Variants in CCDC178 observed in about 807,000 individuals in gnomAD.
The protein encoded by CCDC178 is coiled-coil domain containing 178, also known as coiled-coil domain-containing protein 178.
CCDC178 carries 126 observed loss-of-function variants against 117.4 expected under a neutral mutation model. That is an observed-to-expected ratio of 1.07 (90% CI 0.93 to 1.24). The LOEUF is 1.24. Ranked by LOEUF, CCDC178 falls within the 50% of genes most tolerant of loss-of-function variation. The probability of loss-of-function intolerance (pLI) is 0.00; values close to 1 mark genes in which losing one functional copy is unlikely to be tolerated. For missense variants in CCDC178, 1,030 were observed against 986.9 expected, an observed-to-expected ratio of 1.04 and a Z score of -0.59; for synonymous variants, 283 against 313.4, an observed-to-expected ratio of 0.90 and a Z score of 1.02.
chr18:33,187,082 G>A (rs2058803275), intron 20 of CCDC178, among the ~76,000 whole-genome samples: 1 of 107,656 alleles, frequency 9.3e-6, no homozygotes, highest in African/African-American at 4.0e-5. Flanking sequence ...CTTACATGGC[G>A]GCAGGAGAGA....
chr18:33,181,573 G>A (rs114921541), intron 20 of CCDC178, among the ~76,000 whole-genome samples: 55 of 151,986 alleles, frequency 3.6e-4, no homozygotes, highest in African/African-American at 1.1e-3. Context: ...AAAGTTGAGC[G>A]TTGAATTTAA....
chr18:33,410,192 A>G (rs1385156872), intron 3 of CCDC178, among the ~76,000 whole-genome samples: 4 of 152,202 alleles, frequency 2.6e-5, no homozygotes, highest in Non-Finnish European at 5.9e-5. Context: ...AGCTCTCTGA[A>G]GTCTTGGAAC....
intron 15 of CCDC178, among the ~76,000 whole-genome samples, chr18:33,236,097 A>G (rs1041847989): frequency 6.6e-6 from 1 of 152,200 alleles, no homozygotes; most frequent in Non-Finnish European, 1.5e-5. Context: ...AACATAATTC[A>G]TAAATTCTAC....
intron 20 of CCDC178, among the ~76,000 whole-genome samples, chr18:33,206,822 T>C (rs1284355686): frequency 1.3e-5 from 2 of 152,216 alleles, no homozygotes; most frequent in Non-Finnish European, 2.9e-5. Flanking sequence ...ATAGCAAAGG[T>C]AATGTCTTCC....
chr18:33,213,996 TA>T (rs1442692332), intron 19 of CCDC178, among the ~76,000 whole-genome samples: 7 of 152,174 alleles, frequency 4.6e-5, no homozygotes, highest in African/African-American at 1.7e-4. Context: ...TGTGGGAACT[TA>T]TTGAAAATAT....
chr18:33,123,831 C>G (rs1366799285), intron 20 of CCDC178, among the ~76,000 whole-genome samples: 1 of 152,056 alleles, frequency 6.6e-6, no homozygotes, highest in South Asian at 2.1e-4. Flanking sequence ...AATGGAAATC[C>G]AACACCAGTT....
intron 18 of CCDC178, among the ~76,000 whole-genome samples, chr18:33,219,100 C>T (rs2059201592): frequency 1.3e-5 from 2 of 152,050 alleles, no homozygotes; most frequent in South Asian, 4.1e-4. Flanking sequence ...AATGTTCTTC[C>T]ATTTATTGTG....
At chr18:33,106,976 G>T (rs960593128) in intron 20 of CCDC178, among the ~76,000 whole-genome samples, 7 of 151,644 alleles carry the variant, frequency 4.6e-5, no homozygotes, top group African/African-American at 1.7e-4. Flanking sequence ...ACGAACAATT[G>T]CAAGAAATTG....
chr18:33,430,664 C>G (rs922375025), intron 2 of CCDC178, among the ~76,000 whole-genome samples: 1 of 152,218 alleles, frequency 6.6e-6, no homozygotes, highest in Non-Finnish European at 1.5e-5. Context: ...AACCACATCA[C>G]TAACATCATC....
At chr18:33,009,016 T>C (rs985407819) in intron 21 of CCDC178, among the ~76,000 whole-genome samples, 11 of 152,058 alleles carry the variant, frequency 7.2e-5, no homozygotes, top group Non-Finnish European at 1.2e-4. Flanking sequence ...ACCAACTTCA[T>C]TTTAGTTGTG....
In CCDC178 at chr18:33,109,491, G is replaced by A. The variant is rs549790734; in HGVS notation, c.2239-16581C>T. Among the ~76,000 whole-genome samples, 11 of 151,502 alleles carry A rather than the reference G, an allele frequency of 7.3e-5. No individual in the cohort carries two copies. In the East Asian group the frequency reaches 1.2e-3, roughly 16 times the overall value. Reference sequence around the variant, plus strand: ...TCATTAAAGTCTATATTAATCCCTCGATCTTTTAAAAACTTTATTCTTAAG... The same window carrying A: ...TCATTAAAGTCTATATTAATCCCTCAATCTTTTAAAAACTTTATTCTTAAG... On this transcript the variant is annotated intron_variant, in intron 20 of 22. Coordinates refer to ENST00000383096, the MANE Select transcript of CCDC178 (RefSeq NM_001105528.4).
intron 21 of CCDC178, among the ~76,000 whole-genome samples, chr18:32,976,978 T>C (rs2055041723): frequency 6.6e-6 from 1 of 152,120 alleles, no homozygotes; most frequent in Admixed American, 6.5e-5. Flanking sequence ...TAACTATAAA[T>C]TGTCTGTTGT....
intron 2 of CCDC178, among the ~76,000 whole-genome samples, chr18:33,438,758 C>T (rs1487636060): frequency 1.3e-5 from 2 of 152,078 alleles, no homozygotes; most frequent in African/African-American, 4.8e-5. Context: ...TTAAATATTC[C>T]AGTTGCTTAA....
intron 4 of CCDC178, among the ~76,000 whole-genome samples, chr18:33,391,646 T>C (rs2063566528): frequency 6.6e-6 from 1 of 152,148 alleles, no homozygotes; most frequent in African/African-American, 2.4e-5. Context: ...AAATTTAATG[T>C]ATATTTCCAA....
At chr18:33,401,442 G>A (rs764843064) in intron 3 of CCDC178, among the ~76,000 whole-genome samples, 15 of 152,034 alleles carry the variant, frequency 9.9e-5, no homozygotes, top group Non-Finnish European at 1.8e-4. Context: ...AAAAACATTG[G>A]TTCAAATAAA....
chr18:33,319,318 T>G (rs2062469043), intron 11 of CCDC178, among the ~76,000 whole-genome samples: 1 of 152,106 alleles, frequency 6.6e-6, no homozygotes, highest in Non-Finnish European at 1.5e-5. Context: ...TGCGATAGTT[T>G]GCGGAGAATG....
intron 2 of CCDC178, among the ~76,000 whole-genome samples, chr18:33,427,938 C>A (rs1215893431): frequency 6.6e-6 from 1 of 152,182 alleles, no homozygotes; most frequent in African/African-American, 2.4e-5. Flanking sequence ...ATCCTACAAG[C>A]ATTTACATTT....
chr18:32,953,079 C>T lies in CCDC178; in HGVS notation c.2524-14988G>A, dbSNP rs186413842. 6.2e-4 allele frequency among the ~76,000 whole-genome samples: 94 copies of T among 152,018 alleles called. 2 individuals carry two copies. The South Asian group carries it at 7.3e-3, about 12-fold the overall frequency. On this transcript the variant is annotated intron_variant, in intron 22 of 22. Coordinates refer to ENST00000383096, the MANE Select transcript of CCDC178 (RefSeq NM_001105528.4). The stretch of plus-strand genomic sequence containing the variant: ...GATCCACCATGCCTGGCCAATTTTA[C>T]GAACTTTTATGCTCTGTCACCTCTT...
intron 3 of CCDC178, among the ~76,000 whole-genome samples, chr18:33,409,715 TA>T (rs2063825085): frequency 6.6e-6 from 1 of 152,184 alleles, no homozygotes; most frequent in South Asian, 2.1e-4. Context: ...GTATGTTGTT[TA>T]TAATGGCTGG....
Sources: allele counts gnomAD v4.1 joint callset (sites outside exome capture counted in the v4.1 genomes callset), GRCh38; gene constraint gnomAD v4.1.1; transcripts MANE v1.5; gene names NCBI Gene and HGNC (gene_info 2026-07-23, HGNC 2026-07-21).